PREX2: variants seen among roughly 807,000 people sequenced by gnomAD.
PREX2 encodes phosphatidylinositol-3,4,5-trisphosphate dependent Rac exchange factor 2.
Under a neutral mutation model 203.2 loss-of-function variants are expected in PREX2, and 107 were observed. The ratio of observed to expected loss-of-function variants is 0.53; its 90% CI spans 0.45 to 0.62. The LOEUF is 0.62. Among genes scored for constraint, PREX2 ranks in the 20% least tolerant of loss-of-function variants. The pLI is 0.00. For missense variants in PREX2, 1,777 were observed against 1,955.9 expected (o/e 0.91, Z 1.72); for synonymous variants, 672 against 663.6 (o/e 1.01, Z -0.19).
chr8:68,167,873 A>G (rs1389732790), intron 35 of PREX2, among the ~76,000 whole-genome samples: 1 of 152,212 alleles, frequency 6.6e-6, no homozygotes, highest in Non-Finnish European at 1.5e-5. Flanking sequence ...CAAATCCCCT[A>G]AAGTGGTTCT....
intron 35 of PREX2, among the ~76,000 whole-genome samples, chr8:68,176,607 G>C (rs1233591242): frequency 6.6e-6 from 1 of 152,144 alleles, no homozygotes; most frequent in African/African-American, 2.4e-5. Context: ...TTCACAGACT[G>C]TCATGAGCAT....
chr8:68,174,742 A>C (rs982611208), intron 35 of PREX2, among the ~76,000 whole-genome samples: 1 of 152,220 alleles, frequency 6.6e-6, no homozygotes, highest in South Asian at 2.1e-4. Flanking sequence ...TTGTTGACAA[A>C]GCAGCTACTA....
intron 6 of PREX2, among the ~76,000 whole-genome samples, chr8:68,031,088 T>C (rs779021210): frequency 2.8e-4 from 43 of 152,272 alleles, no homozygotes; most frequent in Admixed American, 6.5e-4. Context: ...GATTTCTTCA[T>C]TTATAAACTG....
At chr8:68,148,460 G>A (rs2129613717) in intron 34 of PREX2, among the ~76,000 whole-genome samples, 1 of 152,116 alleles carries the variant, frequency 6.6e-6, no homozygotes, top group South Asian at 2.1e-4. Context: ...ATGGCACTAA[G>A]CATCTTTAAA....
At chr8:68,216,495 G>C (rs945099247) in intron 37 of PREX2, among the ~76,000 whole-genome samples, 3 of 152,058 alleles carry the variant, frequency 2.0e-5, no homozygotes, top group Non-Finnish European at 4.4e-5. Flanking sequence ...ATCTAAAATT[G>C]ACAATTTTTA....
At chr8:67,989,457 A>G (rs924485838) in intron 1 of PREX2, among the ~76,000 whole-genome samples, 3 of 152,226 alleles carry the variant, frequency 2.0e-5, no homozygotes, top group African/African-American at 7.2e-5. Context: ...TCAACATTGA[A>G]TGAATGACTT....
chr8:67,990,801 G>A (rs532853188), intron 1 of PREX2, among the ~76,000 whole-genome samples: 2 of 151,918 alleles, frequency 1.3e-5, no homozygotes, highest in African/African-American at 2.4e-5. Flanking sequence ...GTGAGCCACC[G>A]TGCCCGGCCT....
chr8:67,987,259 G>A (rs7011295), intron 1 of PREX2, among the ~76,000 whole-genome samples: 59,853 of 150,860 alleles, frequency 0.4, 12,191 homozygotes, highest in East Asian at 0.6. Context: ...GCTATATAAG[G>A]CCAGTCAACT....
chr8:68,046,937 G>A (rs1417575007), intron 8 of PREX2, among the ~76,000 whole-genome samples: 2 of 151,984 alleles, frequency 1.3e-5, no homozygotes, highest in Admixed American at 1.3e-4. Context: ...TAGGATCTTG[G>A]TGATCAATTA....
rs1162908187 is a variant in PREX2 at position 67,952,394 on chromosome 8, C to A, written c.-1C>A. 1 of 1,543,702 alleles carries A rather than the reference C, an allele frequency of 6.5e-7. No individual in the cohort carries two copies. Among genetic ancestry groups the A allele is most frequent in the Admixed American group, 2.0e-5 (1 of 50,740 alleles). ...CGCCGCGCTGCGCACCGCCGCCGAC[C>A]ATGAGCGAGGACAGCCGCGGAGACA... On this transcript the variant is annotated 5_prime_UTR_variant, in exon 1 of 40. Transcript: ENST00000288368.
chr8:67,975,870 A>ATTTTTTT (rs35288660), intron 1 of PREX2, among the ~76,000 whole-genome samples: 1 of 133,172 alleles, frequency 7.5e-6, no homozygotes, highest in Non-Finnish European at 1.6e-5. Context: ...TGCCCGGCTA[A>ATTTTTTT]TTTTTTTTTT....
At chr8:68,115,989 T>C in intron 26 of PREX2, 57 bp downstream of exon 26, 1 of 1,444,424 alleles carries the variant, frequency 6.9e-7, no homozygotes, top group Non-Finnish European at 9.3e-7. Context: ...TGATGCTGGA[T>C]TTTCCACAAA....
At chr8:68,048,622 G>A (rs1325200383) in intron 8 of PREX2, among the ~76,000 whole-genome samples, 2 of 151,724 alleles carry the variant, frequency 1.3e-5, no homozygotes, top group East Asian at 3.8e-4. Context: ...AAGAAACTTT[G>A]GACATTGCAG....
At position 68,120,185 on chromosome 8, in the gene PREX2, A is replaced by C. The variant is rs142969815; in HGVS notation, c.3505-11A>C. The C allele has an allele frequency of 1.5e-5, 24 of 1,564,336 alleles. No homozygotes were observed. The highest frequency in any genetic ancestry group is 2.0e-5 in the Non-Finnish European group (23 of 1,135,164). ...AGAAATATGTAACTCGGAAATCTCT[A>C]CTATTGATAGGTGGATTCAATTACC... On this transcript the variant is annotated splice_polypyrimidine_tract_variant and intron_variant, in intron 28 of 39. Coordinates refer to ENST00000288368, the MANE Select transcript of PREX2 (RefSeq NM_024870.4).
intron 30 of PREX2, among the ~76,000 whole-genome samples, chr8:68,125,873 T>A (rs1460230422): frequency 6.6e-6 from 1 of 152,104 alleles, no homozygotes; most frequent in Non-Finnish European, 1.5e-5. Context: ...GTAATTACAA[T>A]GATTTTTCTG....
chr8:68,057,394 T>C (rs1425295406), intron 10 of PREX2, among the ~76,000 whole-genome samples: 2 of 152,142 alleles, frequency 1.3e-5, no homozygotes, highest in African/African-American at 2.4e-5. Context: ...AGGGAAGTTC[T>C]TTACAGCAGT....
At position 68,134,146 on chromosome 8, in the gene PREX2, C is replaced by A. The variant is rs1291169568; in HGVS notation, c.3854C>A (p.Ala1285Asp). The change falls in exon 32 of 40, where the codon GCC becomes GAC. Residue 1285 changes from alanine (A) to aspartate (D), a missense_variant. Coordinates refer to ENST00000288368, the MANE Select transcript of PREX2 (RefSeq NM_024870.4). ...VCAFSEQLMAALNQMFDNSKE... is the reference protein window; with the variant it reads ...VCAFSEQLMADLNQMFDNSKE... ...GCCTTCTCTGAGCAGCTCATGGCGG[C>A]CTTGAACCAGATGTTTGACAACAGC... 1.2e-6 allele frequency: 2 copies of A among 1,613,980 alleles called. No homozygotes were observed. The highest frequency in any genetic ancestry group is 2.7e-5 in the African/African-American group (2 of 74,916).
intron 1 of PREX2, among the ~76,000 whole-genome samples, chr8:67,961,608 CATG>C: frequency 6.6e-6 from 1 of 152,184 alleles, no homozygotes; most frequent in African/African-American, 2.4e-5. Context: ...TAACTATTCA[CATG>C]ATGATACATC....
intron 35 of PREX2, among the ~76,000 whole-genome samples, chr8:68,165,776 A>G (rs1399799261): frequency 6.6e-6 from 1 of 152,152 alleles, no homozygotes; most frequent in Non-Finnish European, 1.5e-5. Context: ...TAGGTATTTC[A>G]AAAGATCCCC....
Sources: allele counts gnomAD v4.1 joint callset (sites outside exome capture counted in the v4.1 genomes callset), GRCh38; gene constraint gnomAD v4.1.1; transcripts MANE v1.5; gene names NCBI Gene and HGNC (gene_info 2026-07-23, HGNC 2026-07-21).